POU2AF3: variants seen among roughly 807,000 people sequenced by gnomAD.
POU2AF3 encodes the protein cancer susceptibility candidate 13.
At chr11:111,304,230 G>A in the POU2AF3 span, among the ~76,000 whole-genome samples, 5 of 152,114 alleles carry the variant, frequency 3.3e-5, no homozygotes, top group African/African-American at 1.2e-4. Context: ...GTTCTTTGGG[G>A]AAACGACTCC....
the POU2AF3 span, among the ~76,000 whole-genome samples, chr11:111,302,293 T>C: frequency 1.3e-5 from 2 of 152,244 alleles, no homozygotes; most frequent in African/African-American, 2.4e-5. Flanking sequence ...AGGAGTCTGA[T>C]AGCCTCAACC....
At chr11:111,305,382 C>T in the POU2AF3 span, among the ~76,000 whole-genome samples, 1 of 152,170 alleles carries the variant, frequency 6.6e-6, no homozygotes, top group Non-Finnish European at 1.5e-5. Context: ...AGTTTCCAGC[C>T]GACAGGGGCT....
At chr11:111,306,051 C>A in the POU2AF3 span, among the ~76,000 whole-genome samples, 1 of 152,222 alleles carries the variant, frequency 6.6e-6, no homozygotes, top group African/African-American at 2.4e-5. Context: ...TTTACGTGAA[C>A]TGCCGGTAGG....
the POU2AF3 span, among the ~76,000 whole-genome samples, chr11:111,301,611 C>T: frequency 6.6e-6 from 1 of 152,160 alleles, no homozygotes; most frequent in East Asian, 1.9e-4. Context: ...GGTTCCAGAA[C>T]CAGATGGACT....
At chr11:111,307,320 C>T in the POU2AF3 span, among the ~76,000 whole-genome samples, 1 of 151,956 alleles carries the variant, frequency 6.6e-6, no homozygotes, top group East Asian at 1.9e-4. Context: ...GTTTTGTAAA[C>T]CTTAAATTGT....
chr11:111,299,719 G>A, the POU2AF3 span: 46,302 of 1,232,042 alleles, frequency 0.038, 1,013 homozygotes, highest in Non-Finnish European at 0.042. Flanking sequence ...CCCAGAAAGG[G>A]AGGGGGTAGG....
At chr11:111,308,491 G>T in the POU2AF3 span, 5 of 1,468,538 alleles carry the variant, frequency 3.4e-6, no homozygotes, top group Non-Finnish European at 3.6e-6. Flanking sequence ...TTTCTACCAC[G>T]TCTAGATGAC....
chr11:111,308,024 G>A, the POU2AF3 span: 6 of 1,441,664 alleles, frequency 4.2e-6, 1 homozygote, highest in Non-Finnish European at 9.1e-7. Context: ...CTTTGATCCT[G>A]TCTAAGTTAT....
chr11:111,306,659 T>C, the POU2AF3 span: 3 of 1,450,040 alleles, frequency 2.1e-6, no homozygotes, highest in Admixed American at 2.0e-5. Context: ...CCTGATTGTG[T>C]CTAACTATGG....
the POU2AF3 span, among the ~76,000 whole-genome samples, chr11:111,304,560 T>A: frequency 2.9e-4 from 44 of 152,200 alleles, 2 homozygotes; most frequent in Non-Finnish European, 1.5e-5. Flanking sequence ...AAGTCTGTTT[T>A]ATGATTCGAT....
At chr11:111,299,549 C>T in the POU2AF3 span, 1 of 1,199,904 alleles carries the variant, frequency 8.3e-7, no homozygotes, top group Non-Finnish European at 1.0e-6. Context: ...TCCCGCGAGC[C>T]GGGGCAGTCC....
the POU2AF3 span, chr11:111,300,720 C>G: frequency 3.8e-6 from 2 of 519,858 alleles, no homozygotes; most frequent in South Asian, 1.0e-4. Flanking sequence ...CACGCACTCA[C>G]CATTCCCAGA....
At chr11:111,298,802 G>T in the POU2AF3 span, 2 of 1,202,586 alleles carry the variant, frequency 1.7e-6, no homozygotes, top group African/African-American at 3.1e-5. Context: ...CGAGTTGGCC[G>T]CTCCGGACGT....
At chr11:111,304,000 A>T in the POU2AF3 span, among the ~76,000 whole-genome samples, 1 of 152,238 alleles carries the variant, frequency 6.6e-6, no homozygotes, top group Non-Finnish European at 1.5e-5. Context: ...ATAAACTTTT[A>T]AGTATTTAAA....
chr11:111,306,562 G>T, the POU2AF3 span: 2 of 1,551,640 alleles, frequency 1.3e-6, no homozygotes, highest in Admixed American at 3.9e-5. Flanking sequence ...TCCACACAAA[G>T]TGCTCCACAC....
chr11:111,301,349 C>A, the POU2AF3 span, among the ~76,000 whole-genome samples: 7 of 152,212 alleles, frequency 4.6e-5, no homozygotes, highest in African/African-American at 1.7e-4. Flanking sequence ...CAAGAGAGGG[C>A]AGCTCATCCC....
the POU2AF3 span, among the ~76,000 whole-genome samples, chr11:111,302,887 G>A: frequency 6.6e-6 from 1 of 152,224 alleles, no homozygotes; most frequent in African/African-American, 2.4e-5. Context: ...GACACCAGGG[G>A]ATGATGTTGC....
the POU2AF3 span, chr11:111,308,323 C>A: frequency 6.4e-7 from 1 of 1,551,622 alleles, no homozygotes; most frequent in Non-Finnish European, 8.7e-7. Context: ...TGGATGCTCT[C>A]CAGGCAGCAG....
the POU2AF3 span, chr11:111,307,993 G>A: frequency 7.3e-7 from 1 of 1,369,280 alleles, no homozygotes. Context: ...CTCTGCATTG[G>A]TAAACCCACA....
Sources: allele counts gnomAD v4.1 joint callset (sites outside exome capture counted in the v4.1 genomes callset), GRCh38; gene constraint gnomAD v4.1.1; transcripts MANE v1.5; gene names NCBI Gene and HGNC (gene_info 2026-07-23, HGNC 2026-07-21).